TSC2: variants seen among roughly 807,000 people sequenced by gnomAD.
TSC2 encodes the protein TSC complex subunit 2.
TSC2 carries 29 observed loss-of-function variants against 202.2 expected under a neutral mutation model. The ratio of observed to expected loss-of-function variants is 0.14; its 90% CI spans 0.11 to 0.20. The LOEUF (loss-of-function observed/expected upper bound fraction) is 0.20. Among genes scored for constraint, TSC2 ranks in the 10% least tolerant of loss-of-function variants. TSC2 has a pLI of 1.00. For missense variants in TSC2, 2,429 were observed against 2,420.0 expected, an observed-to-expected ratio of 1.00 and a Z score of -0.08; for synonymous variants, 1,349 against 1,044.0, an observed-to-expected ratio of 1.29 and a Z score of -5.63.
In TSC2 at chr16:2,079,504, C is replaced by T. The variant is rs1383289264; in HGVS notation, c.3285-53C>T. ...CCCGAGCCCAGGCCCACGTGGCACC[C>T]TCGTACCAGCCTGGGGACTAAGTCC... On this transcript the variant is annotated intron_variant, in intron 28 of 41. Coordinates refer to ENST00000219476, the MANE Select transcript of TSC2 (RefSeq NM_000548.5). The surrounding 1 kb of genome is among the most constrained non-coding windows in gnomAD (Gnocchi z 4.6). The T allele has an allele frequency of 5.0e-6, 8 of 1,606,498 alleles. No homozygotes were observed. The highest frequency in any genetic ancestry group is 4.4e-5 in the South Asian group (4 of 90,312).
intron 33 of TSC2, 40 bp from the exon 34 acceptor site, chr16:2,084,188 G>T: frequency 3.2e-6 from 5 of 1,553,324 alleles, no homozygotes; most frequent in Non-Finnish European, 4.4e-6. Context: ...GCTCGAGGGT[G>T]CCTGCTGACA....
chr16:2,074,399 C>T lies in TSC2; in HGVS notation c.2545+10C>T, dbSNP rs45517241. ...CTGGAGTTCCTGTCCAGTGAGTCCCCGCCCTGCCTGCGCATGCACCCGAGA... is the reference window on the plus strand; with the variant it reads ...CTGGAGTTCCTGTCCAGTGAGTCCCTGCCCTGCCTGCGCATGCACCCGAGA... On this transcript the variant is annotated intron_variant, in intron 22 of 41. Transcript: ENST00000219476. The T allele has an allele frequency of 9.9e-6, 16 of 1,608,606 alleles. No individual in the cohort carries two copies. The highest frequency in any genetic ancestry group is 1.7e-5 in the Admixed American group (1 of 59,994).
intron 25 of TSC2, 58 bp downstream of exon 25, chr16:2,076,643 G>T: frequency 6.4e-7 from 1 of 1,572,824 alleles, no homozygotes. Context: ...ACATGGGGCT[G>T]TGGCCTGCCT....
At chr16:2,080,644 T>A in intron 30 of TSC2, 1 of 469,650 alleles carries the variant, frequency 2.1e-6, no homozygotes, top group South Asian at 2.2e-5. Context: ...CCACCACGCC[T>A]GGCCAATTTT....
At position 2,073,214 on chromosome 16, in the gene TSC2, C is replaced by T. The variant is rs534055079; in HGVS notation, c.2355+231C>T. 1.7e-4 allele frequency among the ~76,000 whole-genome samples: 26 copies of T among 152,308 alleles called. No homozygotes were observed. In the East Asian group the frequency reaches 3.7e-3, roughly 21 times the overall value. On this transcript the variant is annotated intron_variant, in intron 21 of 41. Coordinates refer to ENST00000219476, the MANE Select transcript of TSC2 (RefSeq NM_000548.5). Reference sequence around the variant, plus strand: ...GCCATCCAGTGTTCCCTGTCCACCCCGGACAGCATCTCTGCTCTCTGTAGA... The same window carrying T: ...GCCATCCAGTGTTCCCTGTCCACCCTGGACAGCATCTCTGCTCTCTGTAGA...
chr16:2,056,879 G>T, intron 8 of TSC2, 110 bp downstream of exon 8: 1 of 1,551,522 alleles, frequency 6.4e-7, no homozygotes, highest in East Asian at 2.2e-5. Flanking sequence ...CCAGACAATG[G>T]CCTGTTGAGG....
rs539927192 is a variant in TSC2, at chr16:2,079,354, G to T, written c.3210G>T (p.Thr1070=). ...WLVGNKLVTV[T]TSVGTGTRSL... ...TTGGGAACAAGCTTGTCACTGTGAC[G>T]ACAAGCGTGGGAACCGGGACCCGGT... is the stretch of plus-strand genomic sequence containing the variant. Residue 1070 remains threonine, a synonymous_variant, in exon 28 of 42, where the codon ACG becomes ACT. Transcript: ENST00000219476. This position sits in a 1 kb window ranked among gnomAD's most constrained non-coding sequence, Gnocchi z 4.6. 4.3e-6 allele frequency: 7 copies of T among 1,612,840 alleles called. No individual in the cohort carries two copies. In the Admixed American group the frequency reaches 1.2e-4, roughly 27 times the overall value.
chr16:2,055,168 C>T (rs577980680), intron 5 of TSC2: 86 of 610,642 alleles, frequency 1.4e-4, no homozygotes, highest in African/African-American at 1.3e-3. Context: ...TCGGCACAGA[C>T]CCTCTGTGCA....
chr16:2,072,122 A>C (rs955185246), intron 19 of TSC2, 119 bp from the exon 20 acceptor site: 3 of 1,574,234 alleles, frequency 1.9e-6, no homozygotes, highest in Non-Finnish European at 2.6e-6. Flanking sequence ...CCCCCGGCTG[A>C]GAACAGGGCT....
chr16:2,066,081 A>T (rs925156193), intron 16 of TSC2: 2 of 177,638 alleles, frequency 1.1e-5, no homozygotes, highest in Non-Finnish European at 2.4e-5. Context: ...CTCTGCAGCC[A>T]ACCCCACAGT....
intron 17 of TSC2, among the ~76,000 whole-genome samples, chr16:2,070,956 CAGGGCAGGGCTGGAG>C (rs887695054): frequency 2.6e-5 from 4 of 151,310 alleles, no homozygotes; most frequent in African/African-American, 7.3e-5. Flanking sequence ...GCTGAGACGG[CAGGGCAGGGCTGGAG>C]AGGGCAGAGC....
At chr16:2,051,031 A>G (rs1456773328) in intron 3 of TSC2, among the ~76,000 whole-genome samples, 1 of 151,716 alleles carries the variant, frequency 6.6e-6, no homozygotes, top group East Asian at 1.9e-4. Flanking sequence ...ACCAGAAAGG[A>G]TTTCTATGCC....
rs755447030 is a variant in TSC2, at chr16:2,088,157, C to T, written c.5160+18C>T. The T allele has an allele frequency of 1.2e-6, 2 of 1,613,044 alleles. No individual in the cohort carries two copies. Among genetic ancestry groups the T allele is most frequent in the Non-Finnish European group, 1.7e-6 (2 of 1,180,000 alleles). On this transcript the variant is annotated intron_variant, in intron 40 of 41. Transcript: ENST00000219476. ...ACGCAAATGTGAGTGGGGGTGGGTCCAGGCGTGAGCTGGTGGGACAGGCCC... is the reference window on the plus strand; with the variant it reads ...ACGCAAATGTGAGTGGGGGTGGGTCTAGGCGTGAGCTGGTGGGACAGGCCC...
At chr16:2,053,962 C>G in intron 4 of TSC2, 2 of 452,694 alleles carry the variant, frequency 4.4e-6, no homozygotes, top group East Asian at 9.2e-5. Context: ...CCCACTCAGG[C>G]CTTGTCCTCA....
At chr16:2,050,348 G>A (rs1470024132) in intron 2 of TSC2, 52 bp from the exon 3 acceptor site, 1 of 1,552,874 alleles carries the variant, frequency 6.4e-7, no homozygotes, top group Non-Finnish European at 8.9e-7. Context: ...TTGCAGTTAA[G>A]GAGACCGTGG....
At chr16:2,055,217 G>T (rs563093022) in intron 5 of TSC2, 185 bp from the exon 6 acceptor site, 5 of 675,596 alleles carry the variant, frequency 7.4e-6, no homozygotes, top group South Asian at 4.7e-5. Context: ...GTGCGTAGCC[G>T]GCCTGCCCTG....
chr16:2,085,671 A>G (rs908739320), intron 36 of TSC2, among the ~76,000 whole-genome samples: 2 of 152,140 alleles, frequency 1.3e-5, no homozygotes, highest in South Asian at 4.1e-4. Context: ...CATCCCACAC[A>G]CCAGCAGCGG....
rs1306867521 is a variant in TSC2 at position 2,079,998 on chromosome 16, T to TCCC, written c.3398-167_3398-166insCCC. ...CTGGGTCCCTCCCTGTGGCCCTGGG[T>TCCC]TCACTGAGGCCAGCACTGTGGTGGG... On this transcript the variant is annotated intron_variant, in intron 29 of 41. Coordinates refer to ENST00000219476, the MANE Select transcript of TSC2 (RefSeq NM_000548.5). This position sits in a 1 kb window ranked among gnomAD's most constrained non-coding sequence, Gnocchi z 4.6. 1.3e-5 allele frequency among the ~76,000 whole-genome samples: 2 copies of TCCC among 152,148 alleles called. No homozygotes were observed. The highest frequency in any genetic ancestry group is 4.8e-5 in the African/African-American group (2 of 41,426).
Position 2,079,728 on chromosome 16 carries a change from G to A in TSC2, c.3397+59G>A. 1.3e-6 allele frequency: 2 copies of A among 1,511,672 alleles called. No homozygotes were observed. Among genetic ancestry groups the A allele is most frequent in the South Asian group, 1.2e-5 (1 of 82,460 alleles). 93.6% of individuals were successfully genotyped at this position (1,511,672 alleles called of 1,614,324 possible). A position where few individuals can be genotyped will look rare whatever the true frequency, so the allele number is the denominator to read the frequency against. On this transcript the variant is annotated intron_variant, in intron 29 of 41. Coordinates refer to ENST00000219476, the MANE Select transcript of TSC2 (RefSeq NM_000548.5). The surrounding 1 kb of genome is among the most constrained non-coding windows in gnomAD (Gnocchi z 4.6). ...ACCGGGGCTCCCTCAGTTGCTGCTGGTCCCAGTGTTCAGGAAGGCCCCGAG... is the reference window on the plus strand; with the variant it reads ...ACCGGGGCTCCCTCAGTTGCTGCTGATCCCAGTGTTCAGGAAGGCCCCGAG...
Sources: gnomAD v4.1 joint callset for allele counts (sites outside exome capture counted in the v4.1 genomes callset) on GRCh38, gnomAD v4.1.1 for gene constraint, Gnocchi (gnomAD v3.1) non-coding constraint, MANE v1.5 for transcripts, NCBI Gene and HGNC (gene_info 2026-07-23, HGNC 2026-07-21) for gene names.